DLG2: variants seen among roughly 807,000 people sequenced by gnomAD.
DLG2 encodes the protein discs large MAGUK scaffold protein 2, also known as disks large homolog 2.
DLG2 carries 45 observed loss-of-function variants against 132.5 expected under a neutral mutation model. The ratio of observed to expected loss-of-function variants is 0.34; its 90% CI spans 0.27 to 0.44. The LOEUF is 0.44. DLG2 is among the 20% of genes least tolerant of loss of function. The pLI is 1.00. For synonymous variants in DLG2, 424 were observed against 419.6 expected (o/e 1.01, Z -0.13); for missense variants, 1,045 against 1,196.9 (o/e 0.87, Z 1.87).
chr11:85,581,152 T>C (rs2078490041), intron 3 of DLG2, among the ~76,000 whole-genome samples: 1 of 152,166 alleles, frequency 6.6e-6, no homozygotes, highest in Non-Finnish European at 1.5e-5. Flanking sequence ...ATAGCTTCTG[T>C]CAGGCAGCCC....
intron 9 of DLG2, among the ~76,000 whole-genome samples, chr11:84,137,462 G>A (rs11825973): frequency 0.019 from 2,962 of 152,188 alleles, 74 homozygotes; most frequent in African/African-American, 0.066. Context: ...GTATGTGTGT[G>A]CGTGCATGTT....
At chr11:83,773,761 C>T (rs1464285443) in intron 18 of DLG2, among the ~76,000 whole-genome samples, 3 of 152,162 alleles carry the variant, frequency 2.0e-5, no homozygotes, top group Non-Finnish European at 4.4e-5. Context: ...GTTCATTCCA[C>T]AAATATGTAT....
intron 7 of DLG2, among the ~76,000 whole-genome samples, chr11:84,328,405 G>C (rs1385637762): frequency 6.6e-6 from 1 of 152,032 alleles, no homozygotes; most frequent in Non-Finnish European, 1.5e-5. Flanking sequence ...ACATAGTAGG[G>C]TTTAATACAC....
intron 6 of DLG2, among the ~76,000 whole-genome samples, chr11:84,713,587 T>A (rs1217700281): frequency 1.3e-5 from 2 of 151,826 alleles, no homozygotes; most frequent in African/African-American, 2.4e-5. Context: ...TCTAACAGAG[T>A]TTTAACCCGA....
intron 8 of DLG2, among the ~76,000 whole-genome samples, chr11:84,229,721 C>T (rs2097063024): frequency 6.6e-6 from 1 of 152,136 alleles, no homozygotes; most frequent in Admixed American, 6.5e-5. Flanking sequence ...GTACTGGCTC[C>T]TTCTCTTACC....
chr11:84,996,134 T>C (rs1346129316), intron 6 of DLG2, among the ~76,000 whole-genome samples: 2 of 152,210 alleles, frequency 1.3e-5, no homozygotes, highest in African/African-American at 2.4e-5. Context: ...GACAACATAA[T>C]ATAAATAACT....
intron 4 of DLG2, among the ~76,000 whole-genome samples, chr11:85,280,924 C>T (rs2078183308): frequency 3.3e-5 from 5 of 152,008 alleles, no homozygotes; most frequent in African/African-American, 9.6e-5. Context: ...TTTCAAAACA[C>T]CACCAATCCA....
chr11:84,408,439 C>A (rs1023255134), intron 7 of DLG2, among the ~76,000 whole-genome samples: 2 of 152,062 alleles, frequency 1.3e-5, no homozygotes. Context: ...TGGTGTGCTG[C>A]ACCCATTAAC....
At chr11:85,598,292 A>C (rs991052497) in intron 3 of DLG2, among the ~76,000 whole-genome samples, 2 of 152,082 alleles carry the variant, frequency 1.3e-5, no homozygotes, top group African/African-American at 4.8e-5. Context: ...TATGTTACAC[A>C]ATTCCTTCCC....
At chr11:85,533,129 T>C (rs1409292371) in intron 3 of DLG2, among the ~76,000 whole-genome samples, 1 of 152,104 alleles carries the variant, frequency 6.6e-6, no homozygotes, top group Non-Finnish European at 1.5e-5. Flanking sequence ...GTTCAAGCAA[T>C]TCCCCTGCTT....
chr11:83,986,243 T>C (rs1208324954), intron 11 of DLG2, among the ~76,000 whole-genome samples: 1 of 141,112 alleles, frequency 7.1e-6, no homozygotes, highest in Non-Finnish European at 1.5e-5. Flanking sequence ...CAGAGTGTGA[T>C]GTTCCCCTTC....
In DLG2 at chr11:83,833,693, C is replaced by G; in HGVS notation, c.1643G>C (p.Gly548Ala). 1 of 1,614,102 alleles carries G rather than the reference C, an allele frequency of 6.2e-7. No homozygotes were observed. Among genetic ancestry groups the G allele is most frequent in the East Asian group, 2.2e-5 (1 of 44,880 alleles). ...FNIVGGEDGE[G>A]IFVSFILAGG... is the part of the protein sequence containing the mutation. ...AGCCAGAATGAAGGACACAAAAATA[C>G]CTTCTCCATCTTCCCCACCGACAAT... The change falls in exon 17 of 28, where the codon GGT becomes GCT. Residue 548 changes from glycine to alanine, a missense_variant. Physicochemically the swap from Gly to Ala is moderately conservative, Grantham distance 60. Around this residue, in one of 4 missense-constraint regions of DLG2, gnomAD observed 398 missense variants for 543.6 expected, o/e 0.73. Coordinates refer to ENST00000376104, the MANE Select transcript of DLG2 (RefSeq NM_001142699.3).
chr11:85,228,278 C>T (rs575289715), intron 4 of DLG2, among the ~76,000 whole-genome samples: 1 of 152,110 alleles, frequency 6.6e-6, no homozygotes, highest in East Asian at 1.9e-4. Flanking sequence ...GCAAGTTCTG[C>T]TTTATGCCTG....
chr11:83,851,489 T>C lies in DLG2; in HGVS notation c.1566-17719A>G, dbSNP rs867543588. On this transcript the variant is annotated intron_variant, in intron 16 of 27. Transcript: ENST00000376104. ...AAAATACAAAAAAATTAGCTGGGTG[T>C]GGTGGCAGGCACCTGTAATCCCAGC... Among the ~76,000 whole-genome samples, 83 of 151,646 alleles carry C rather than the reference T, an allele frequency of 5.5e-4. No homozygotes were observed. In the Middle Eastern group the frequency reaches 0.014, roughly 25 times the overall value.
At chr11:83,866,326 G>A (rs1214659924) in intron 16 of DLG2, among the ~76,000 whole-genome samples, 1 of 152,134 alleles carries the variant, frequency 6.6e-6, no homozygotes, top group Non-Finnish European at 1.5e-5. Context: ...CAGTTAGAAA[G>A]TTTGGGACAG....
intron 18 of DLG2, among the ~76,000 whole-genome samples, chr11:83,743,512 C>T (rs1432092871): frequency 7.0e-6 from 1 of 143,108 alleles, no homozygotes; most frequent in East Asian, 2.1e-4. Flanking sequence ...GTTCACACTA[C>T]AATTTCGACT....
intron 17 of DLG2, among the ~76,000 whole-genome samples, chr11:83,810,934 GC>G (rs1447963992): frequency 6.6e-6 from 1 of 152,012 alleles, no homozygotes; most frequent in Non-Finnish European, 1.5e-5. Flanking sequence ...AGAAAGTCAA[GC>G]TTTCTATGCA....
At chr11:83,842,405 C>A (rs1479933290) in intron 16 of DLG2, among the ~76,000 whole-genome samples, 1 of 150,924 alleles carries the variant, frequency 6.6e-6, no homozygotes, top group Non-Finnish European at 1.5e-5. Flanking sequence ...ACCATTCTGG[C>A]CAACATGGTG....
intron 18 of DLG2, among the ~76,000 whole-genome samples, chr11:83,694,899 G>A (rs1185457038): frequency 1.3e-5 from 2 of 152,162 alleles, no homozygotes; most frequent in East Asian, 1.9e-4. Flanking sequence ...AGTAAACTGG[G>A]GGCTAAAGAG....
Sources: gnomAD v4.1 joint callset for allele counts (sites outside exome capture counted in the v4.1 genomes callset) on GRCh38, gnomAD v4.1.1 for gene constraint, gnomAD v4.1.1 regional missense constraint, MANE v1.5 for transcripts, NCBI Gene and HGNC (gene_info 2026-07-23, HGNC 2026-07-21) for gene names.